Variants in PGM1 observed in about 807,000 individuals in gnomAD.
PGM1 encodes the protein phosphoglucomutase-1.
Under a neutral mutation model 55.6 loss-of-function variants are expected in PGM1, and 52 were observed. The observed-to-expected ratio is 0.94, with a 90% CI of 0.75 to 1.18. The LOEUF (loss-of-function observed/expected upper bound fraction) is 1.18, where lower values mean the gene tolerates loss of function less well. Among genes scored for constraint, PGM1 ranks in the 50% most tolerant of loss-of-function variants. PGM1 has a pLI of 0.00. For synonymous variants in PGM1, 287 were observed against 271.7 expected (o/e 1.06, Z -0.55); for missense variants, 724 against 729.3 (o/e 0.99, Z 0.08).
intron 8 of PGM1, chr1:63,651,348 AT>A (rs67187403): frequency 0.062 from 19,939 of 320,480 alleles, 902 homozygotes; most frequent in African/African-American, 0.16. Flanking sequence ...CCTCCTCAGG[AT>A]GTGGTGACTA....
intron 3 of PGM1, 108 bp from the exon 4 acceptor site, chr1:63,631,549 T>C (rs1649193641): frequency 1.0e-6 from 1 of 1,003,932 alleles, no homozygotes; most frequent in African/African-American, 1.6e-5. Flanking sequence ...TCAATAATTG[T>C]CCTTTTAAAA....
rs1399056442 is a variant in PGM1 at position 63,629,973 on chromosome 1, T to G, written c.441T>G (p.Ile147Met). 6.2e-7 allele frequency: 1 copy of G among 1,614,046 alleles called. No individual in the cohort carries two copies. The highest frequency in any genetic ancestry group is 1.1e-5 in the South Asian group (1 of 91,076). ...CTCCAGAAGCAATAACTGATAAAATTTTCCAAATCAGCAAGACAATTGAAG... is the reference window on the plus strand; with the variant it reads ...CTCCAGAAGCAATAACTGATAAAATGTTCCAAATCAGCAAGACAATTGAAG... ...GPAPEAITDKIFQISKTIEEY... is the reference protein window; with the variant it reads ...GPAPEAITDKMFQISKTIEEY... The change falls in exon 3 of 11, where the codon ATT becomes ATG. Residue 147 changes from isoleucine to methionine, a missense_variant. Around this residue, in one of 3 missense-constraint regions of PGM1, gnomAD observed 379 missense variants for 357.5 expected, o/e 1.06. Coordinates refer to ENST00000371084, the MANE Select transcript of PGM1 (RefSeq NM_002633.3).
chr1:63,650,767 T>C (rs879482728), intron 8 of PGM1, among the ~76,000 whole-genome samples: 3 of 152,218 alleles, frequency 2.0e-5, no homozygotes, highest in Non-Finnish European at 2.9e-5. Context: ...AACTCATCTT[T>C]ATAGAATTTC....
chr1:63,650,383 A>G (rs75790375), intron 8 of PGM1, among the ~76,000 whole-genome samples: 1 of 152,354 alleles, frequency 6.6e-6, no homozygotes, highest in Non-Finnish European at 1.5e-5. Flanking sequence ...CCTAGGGTTT[A>G]GAAAACATTT....
intron 1 of PGM1, 103 bp from the exon 2 acceptor site, chr1:63,629,322 C>T (rs1649124781): frequency 5.4e-6 from 5 of 925,466 alleles, no homozygotes; most frequent in South Asian, 5.2e-5. Context: ...CAGATTATTA[C>T]TATTATTTTT....
intron 1 of PGM1, 85 bp downstream of exon 1, chr1:63,593,819 G>A (rs1240966403): frequency 1.5e-6 from 2 of 1,336,198 alleles, no homozygotes; most frequent in Admixed American, 4.1e-5. Flanking sequence ...GCTCGGGGCC[G>A]GCCGCTTCCG....
At chr1:63,601,553 C>G (rs1405689100) in intron 1 of PGM1, among the ~76,000 whole-genome samples, 1 of 152,176 alleles carries the variant, frequency 6.6e-6, no homozygotes, top group African/African-American at 2.4e-5. Context: ...TGAAGCTGTG[C>G]TCACAGTTGG....
intron 1 of PGM1, among the ~76,000 whole-genome samples, chr1:63,597,854 G>A (rs1360251963): frequency 6.6e-6 from 1 of 152,200 alleles, no homozygotes; most frequent in African/African-American, 2.4e-5. Flanking sequence ...ACCTTTGTGG[G>A]AACTTATGAG....
intron 1 of PGM1, among the ~76,000 whole-genome samples, chr1:63,612,397 A>T (rs1189752436): frequency 6.6e-6 from 1 of 152,214 alleles, no homozygotes; most frequent in Non-Finnish European, 1.5e-5. Flanking sequence ...GCCTGAACCC[A>T]TACGTAGAAT....
intron 9 of PGM1, among the ~76,000 whole-genome samples, chr1:63,652,985 A>T (rs1025502474): frequency 5.3e-5 from 8 of 152,348 alleles, no homozygotes; most frequent in Non-Finnish European, 7.3e-5. Flanking sequence ...GAGGGATGGC[A>T]GAGTGGGACA....
At chr1:63,604,714 C>T (rs1648362526) in intron 1 of PGM1, among the ~76,000 whole-genome samples, 1 of 152,128 alleles carries the variant, frequency 6.6e-6, no homozygotes, top group African/African-American at 2.4e-5. Context: ...ATTGTTCTTC[C>T]TGCCCATTGA....
At position 63,629,204 on chromosome 1, in the gene PGM1, C is replaced by T. The variant is rs117224380; in HGVS notation, c.247-221C>T. Among the ~76,000 whole-genome samples the T allele has an allele frequency of 2.4e-4, 36 of 152,224 alleles. No homozygotes were observed. The East Asian group carries it at 2.5e-3, about 11-fold the overall frequency. On this transcript the variant is annotated intron_variant, in intron 1 of 10. Coordinates refer to ENST00000371084, the MANE Select transcript of PGM1 (RefSeq NM_002633.3). Reference sequence around the variant, plus strand: ...ACACACTTCTAAAACTACAAAGTCCCGAAAACCATCTGAAGGAATTTGTTC... The same window carrying T: ...ACACACTTCTAAAACTACAAAGTCCTGAAAACCATCTGAAGGAATTTGTTC...
intron 1 of PGM1, among the ~76,000 whole-genome samples, chr1:63,604,135 A>G (rs1209469029): frequency 6.6e-6 from 1 of 152,090 alleles, no homozygotes; most frequent in African/African-American, 2.4e-5. Context: ...TGTTTGGACC[A>G]CTCTGAAAGA....
At chr1:63,594,470 A>G (rs1371696561) in intron 1 of PGM1, among the ~76,000 whole-genome samples, 3 of 152,214 alleles carry the variant, frequency 2.0e-5, no homozygotes, top group African/African-American at 7.2e-5. Flanking sequence ...CTGAATTTTC[A>G]TTAGAATGGC....
At chr1:63,624,339 C>T (rs191454628) in intron 1 of PGM1, among the ~76,000 whole-genome samples, 3 of 152,290 alleles carry the variant, frequency 2.0e-5, no homozygotes, top group East Asian at 3.9e-4. Flanking sequence ...CACAAAGAAG[C>T]CGTGCGCATG....
At chr1:63,648,938 G>T (rs1324106909) in intron 8 of PGM1, among the ~76,000 whole-genome samples, 1 of 152,136 alleles carries the variant, frequency 6.6e-6, no homozygotes, top group Non-Finnish European at 1.5e-5. Flanking sequence ...CATAACATTG[G>T]ATTTGGATTC....
In PGM1 at chr1:63,638,728, G is replaced by T; in HGVS notation, c.1072G>T (p.Gly358Cys). The T allele has an allele frequency of 6.2e-7, 1 of 1,614,088 alleles. No individual in the cohort carries two copies. Among genetic ancestry groups the T allele is most frequent in the Non-Finnish European group, 8.5e-7 (1 of 1,179,972 alleles). The change falls in exon 7 of 11, where the codon GGC becomes TGC. Residue 358 changes from glycine (G) to cysteine (C), a missense_variant. Physicochemically the swap from Gly to Cys is radical, Grantham distance 159. Transcript: ENST00000371084. Reference sequence around the variant, plus strand: ...GATTGCTTTGTATGAGACCCCAACTGGCTGGAAGTTTTTTGGGAATTTGAT... The same window carrying T: ...GATTGCTTTGTATGAGACCCCAACTTGCTGGAAGTTTTTTGGGAATTTGAT... Reference protein sequence around the residue: ...TKIALYETPTGWKFFGNLMDA... With the variant: ...TKIALYETPTCWKFFGNLMDA...
chr1:63,632,929 A>G (rs1649235672), intron 4 of PGM1, among the ~76,000 whole-genome samples: 1 of 152,190 alleles, frequency 6.6e-6, no homozygotes, highest in Admixed American at 6.5e-5. Context: ...AGGCTGAGGC[A>G]GGAGACTAGC....
chr1:63,628,752 C>T (rs1038810744), intron 1 of PGM1, among the ~76,000 whole-genome samples: 2 of 152,104 alleles, frequency 1.3e-5, no homozygotes, highest in Non-Finnish European at 2.9e-5. Context: ...ACAGAAGTCC[C>T]ATCTGTCGCC....
Sources: allele counts gnomAD v4.1 joint callset (sites outside exome capture counted in the v4.1 genomes callset), GRCh38; gene constraint gnomAD v4.1.1; regional missense constraint gnomAD v4.1.1; transcripts MANE v1.5; gene names NCBI Gene and HGNC (gene_info 2026-07-23, HGNC 2026-07-21).